GGA3: variants seen among roughly 807,000 people sequenced by gnomAD.
The protein encoded by GGA3 is ADP-ribosylation factor-binding protein GGA3.
A neutral mutation model predicts 77.5 loss-of-function variants in GGA3; 57 were observed. That is an observed-to-expected ratio of 0.74 (90% confidence interval 0.59 to 0.92). The LOEUF (loss-of-function observed/expected upper bound fraction) is 0.92. Ranked by LOEUF, GGA3 falls within the 40% of genes least tolerant of loss-of-function variation. The pLI is 0.00. For missense variants in GGA3, 970 were observed against 914.9 expected (o/e 1.06, Z -0.78); for synonymous variants, 416 against 383.7 (o/e 1.08, Z -0.98).
In GGA3 at chr17:75,240,046, G is replaced by A. The variant is rs368588215; in HGVS notation, c.1326C>T (p.Ser442=). 29 of 1,552,084 alleles carry A rather than the reference G, an allele frequency of 1.9e-5. No individual in the cohort carries two copies. The highest frequency in any genetic ancestry group is 2.4e-5 in the Non-Finnish European group (28 of 1,148,496). ...PRPGTAACGA[S]DAPLLQPSAP... The stretch of plus-strand genomic sequence containing the variant: ...CTGAGGGCTGGAGCAGAGGAGCATC[G>A]GAGGCGCCACAGGCAGCGGTCCCCG... The change falls in exon 13 of 17, where the codon TCC becomes TCT. Residue 442 remains serine (S), a synonymous_variant. Transcript: ENST00000537686.
intron 1 of GGA3, among the ~76,000 whole-genome samples, chr17:75,259,229 CAGG>C (rs1174600742): frequency 6.6e-6 from 1 of 152,146 alleles, no homozygotes; most frequent in Non-Finnish European, 1.5e-5. Flanking sequence ...GCTGGGATTA[CAGG>C]AGAGTTCTTC....
chr17:75,249,263 TGACCTCAGGTAAGGAGGTCAA>T (rs1343844189), intron 1 of GGA3, among the ~76,000 whole-genome samples: 8 of 152,130 alleles, frequency 5.3e-5, no homozygotes, highest in Non-Finnish European at 1.0e-4. Flanking sequence ...CCAGGCCTCC[TGACCTCAGGTAAGGAGGTCAA>T]GACCAGCCCT....
At chr17:75,255,166 A>C (rs1463534504) in intron 1 of GGA3, among the ~76,000 whole-genome samples, 2 of 152,168 alleles carry the variant, frequency 1.3e-5, no homozygotes, top group Non-Finnish European at 2.9e-5. Flanking sequence ...TACCCACTCC[A>C]CATTACCTTC....
chr17:75,248,990 G>A (rs1206305081), intron 1 of GGA3: 3 of 984,880 alleles, frequency 3.0e-6, no homozygotes, highest in African/African-American at 1.7e-5. Context: ...CGGCCTCCCC[G>A]GCAGTGTTTC....
At chr17:75,253,988 G>A (rs187970540) in intron 1 of GGA3, among the ~76,000 whole-genome samples, 7 of 152,204 alleles carry the variant, frequency 4.6e-5, no homozygotes, top group Admixed American at 2.6e-4. Context: ...CGGCACTTTC[G>A]ATTTCTCCAT....
chr17:75,259,296 C>G (rs182284188), intron 1 of GGA3, among the ~76,000 whole-genome samples: 1 of 152,178 alleles, frequency 6.6e-6, no homozygotes, highest in Admixed American at 6.5e-5. Flanking sequence ...CTTAAACTTC[C>G]TAACTCCTAT....
chr17:75,241,552 T>C, intron 9 of GGA3, 36 bp from the exon 10 acceptor site: 1 of 1,601,788 alleles, frequency 6.2e-7, no homozygotes, highest in Non-Finnish European at 8.6e-7. Context: ...ACTCCTGTTG[T>C]GACAGTTCCC....
At position 75,239,990 on chromosome 17, in the gene GGA3, A is replaced by T. The variant is rs1225005855; in HGVS notation, c.1382T>A (p.Leu461Gln). ...CACAGGAGCTGGGAAGGGAGGCGGCAGTGGAGCTTGGGAGCTGCTTGAGGA... is the reference window on the plus strand; with the variant it reads ...CACAGGAGCTGGGAAGGGAGGCGGCTGTGGAGCTTGGGAGCTGCTTGAGGA... ...APSSSSSQAP[L>Q]PPPFPAPVVP... Residue 461 changes from leucine (L) to glutamine (Q), a missense_variant, in exon 13 of 17, where the codon CTG becomes CAG. By Grantham distance (113) the Leu-to-Gln change is moderately radical. Transcript: ENST00000537686. The T allele has an allele frequency of 6.4e-7, 1 of 1,556,650 alleles. No homozygotes were observed. The highest frequency in any genetic ancestry group is 8.7e-7 in the Non-Finnish European group (1 of 1,150,788).
At position 75,241,434 on chromosome 17, in the gene GGA3, G is replaced by A. The variant is rs1567783231; in HGVS notation, c.912C>T (p.Gly304=). The change falls in exon 10 of 17, where the codon GGC becomes GGT. Residue 304 remains glycine, a synonymous_variant. Transcript: ENST00000537686. The part of the protein sequence containing the change: ...KTIIEGQVIN[G]EVATLTLPDS... ...CAGGCAGGGTTAAGGTAGCCACCTC[G>A]CCATTGATGACCTGCCCTTCAATAA... is the stretch of plus-strand genomic sequence containing the variant. 2.5e-6 allele frequency: 4 copies of A among 1,612,978 alleles called. No individual in the cohort carries two copies. The highest frequency in any genetic ancestry group is 1.7e-4 in the Middle Eastern group (1 of 6,050).
intron 3 of GGA3, among the ~76,000 whole-genome samples, chr17:75,245,973 C>T (rs887704390): frequency 4.6e-5 from 7 of 152,312 alleles, no homozygotes; most frequent in Admixed American, 1.3e-4. Flanking sequence ...TCTTTGTTTT[C>T]GGAGCATGTG....
At chr17:75,247,055 A>G (rs1016326122) in intron 1 of GGA3, among the ~76,000 whole-genome samples, 3 of 152,212 alleles carry the variant, frequency 2.0e-5, no homozygotes, top group African/African-American at 7.2e-5. Flanking sequence ...CATGAAGCTT[A>G]GAGTGGAATC....
At chr17:75,249,354 T>C (rs1301386471) in intron 1 of GGA3, among the ~76,000 whole-genome samples, 1 of 152,158 alleles carries the variant, frequency 6.6e-6, no homozygotes, top group Non-Finnish European at 1.5e-5. Context: ...AGGTTCCTCT[T>C]TAGAAGAAAA....
chr17:75,246,458 G>T (rs374745215), intron 3 of GGA3, 51 bp downstream of exon 3: 1 of 1,187,340 alleles, frequency 8.4e-7, no homozygotes. Flanking sequence ...GAGGAATGGC[G>T]TGGGCAGGTG....
Position 75,246,589 on chromosome 17 carries a change from G to A in GGA3, c.126-5C>T. 3 of 1,613,442 alleles carry A rather than the reference G, an allele frequency of 1.9e-6. No homozygotes were observed. The highest frequency in any genetic ancestry group is 2.5e-6 in the Non-Finnish European group (3 of 1,179,376). The stretch of plus-strand genomic sequence containing the variant: ...AGTCGGACGGCGATCTGTGGCCTGG[G>A]GGACAAGCAGAACACACTCCAGTGC... On this transcript the variant is annotated splice_region_variant and splice_polypyrimidine_tract_variant and intron_variant, in intron 2 of 16. Transcript: ENST00000537686.
rs1177753761 is a variant in GGA3, at chr17:75,238,199, G to A, written c.*80C>T. 3.2e-6 allele frequency: 5 copies of A among 1,560,826 alleles called. No individual in the cohort carries two copies. The highest frequency in any genetic ancestry group is 2.4e-5 in the South Asian group (2 of 83,186). On this transcript the variant is annotated 3_prime_UTR_variant, in exon 17 of 17. Coordinates refer to ENST00000537686, the MANE Select transcript of GGA3 (RefSeq NM_138619.4). ...CTACAAGCACTGTTGTCAGGGCATG[G>A]AGAGTGACGGGACCAGAGCCCTCCT...
At chr17:75,239,132 A>G (rs2076430256) in intron 14 of GGA3, 49 bp from the exon 15 acceptor site, 3 of 1,555,514 alleles carry the variant, frequency 1.9e-6, no homozygotes, top group African/African-American at 2.7e-5. Context: ...AGAGACACCC[A>G]ACAGAGCCCC....
chr17:75,262,072 G>A, upstream of GGA3: 3 of 1,443,450 alleles, frequency 2.1e-6, no homozygotes, highest in Non-Finnish European at 2.8e-6. Flanking sequence ...AGAGAGCATT[G>A]CCCTGGGGGC....
chr17:75,246,390 G>C (rs2076758162), intron 3 of GGA3, 119 bp downstream of exon 3: 1 of 697,362 alleles, frequency 1.4e-6, no homozygotes, highest in African/African-American at 1.8e-5. Flanking sequence ...TATCTAGTCT[G>C]TATCAAGGAC....
intron 16 of GGA3, 59 bp downstream of exon 16, chr17:75,238,593 G>T: frequency 8.0e-7 from 1 of 1,246,468 alleles, no homozygotes; most frequent in Non-Finnish European, 1.2e-6. Flanking sequence ...TGGGCCTGAC[G>T]TCCTAATCTG....
Sources: allele counts gnomAD v4.1 joint callset (sites outside exome capture counted in the v4.1 genomes callset), GRCh38; gene constraint gnomAD v4.1.1; transcripts MANE v1.5; gene names NCBI Gene and HGNC (gene_info 2026-07-23, HGNC 2026-07-21).